The following FRS2 variants were observed in gnomAD, a reference collection of about 807,000 sequenced individuals.
FRS2 encodes the protein fibroblast growth factor receptor substrate 2.
In FRS2, 8 loss-of-function variants were observed where a neutral mutation model predicts 43.9. The observed-to-expected ratio is 0.18, with a 90% CI of 0.11 to 0.33. FRS2 has a LOEUF of 0.33. Among genes scored for constraint, FRS2 ranks in the 10% least tolerant of loss-of-function variants. The probability of loss-of-function intolerance (pLI) is 1.00; values close to 1 mark genes in which losing one functional copy is unlikely to be tolerated. For missense variants in FRS2, 534 were observed against 627.6 expected (o/e 0.85, Z 1.59); for synonymous variants, 219 against 220.3 (o/e 0.99, Z 0.05).
At chr12:69,530,767 G>T (rs1460297690) in intron 1 of FRS2, 98 bp from the exon 2 acceptor site, 2 of 152,448 alleles carry the variant, frequency 1.3e-5, no homozygotes, top group Non-Finnish European at 2.9e-5. Flanking sequence ...TGCTTTGAGA[G>T]TTCTTTCTGG....
At chr12:69,571,554 G>A (rs1593073830) in intron 7 of FRS2, 120 bp downstream of exon 7, 1 of 850,304 alleles carries the variant, frequency 1.2e-6, no homozygotes, top group East Asian at 2.7e-5. Context: ...AAGTATAATG[G>A]TTGTCAGTTT....
intron 3 of FRS2, among the ~76,000 whole-genome samples, chr12:69,547,830 CTTTTTTTTTTTT>C (rs71094722): frequency 0.46 from 48,183 of 104,218 alleles, 8,816 homozygotes; most frequent in South Asian, 0.64. Context: ...TCCATTAATA[CTTTTTTTTTTTT>C]TTTTTTTTTT....
At position 69,528,737 on chromosome 12, in the gene FRS2, T is replaced by C. The variant is rs1565749562; in HGVS notation, c.-260-2128T>C. Among the ~76,000 whole-genome samples the C allele has an allele frequency of 2.6e-5, 4 of 152,212 alleles. 1 individual carries two copies. In the South Asian group the frequency reaches 8.3e-4, roughly 32 times the overall value. Reference sequence around the variant, plus strand: ...TAATTTACTATTCTTTACAAATTCTTTGCCAGATAAGGAAAACTAAGACAG... The same window carrying C: ...TAATTTACTATTCTTTACAAATTCTCTGCCAGATAAGGAAAACTAAGACAG... On this transcript the variant is annotated intron_variant, in intron 1 of 8. Coordinates refer to ENST00000549921, the MANE Select transcript of FRS2 (RefSeq NM_001278356.2).
intron 3 of FRS2, among the ~76,000 whole-genome samples, chr12:69,554,103 T>C (rs1250422878): frequency 2.6e-5 from 4 of 152,224 alleles, no homozygotes; most frequent in Non-Finnish European, 5.9e-5. Context: ...CACTGTGTTC[T>C]TCACAGTCTG....
rs10605112 is a variant in FRS2 at position 69,541,824 on chromosome 12, C to CAAA, written c.-122+9788_-122+9790dup. ...TGGGCGACAGGGTGAGACCCTGTCT[C>CAAA]AAAAAAAAAAAAAAAAAAAAAAGTA... On this transcript the variant is annotated intron_variant, in intron 3 of 8. Transcript: ENST00000549921. Among the ~76,000 whole-genome samples, 277 of 90,834 alleles carry CAAA rather than the reference C, an allele frequency of 3.0e-3. 2 individuals are homozygous for CAAA. Among genetic ancestry groups the CAAA allele is most frequent in the African/African-American group, 0.011 (264 of 23,408 alleles). The allele number at this position is 90,834 out of a possible 152,430, so 59.6% of individuals were successfully genotyped here. A position where few individuals can be genotyped will look rare whatever the true frequency, so the allele number is the denominator to read the frequency against.
intron 1 of FRS2, among the ~76,000 whole-genome samples, chr12:69,489,796 C>T: frequency 6.7e-6 from 1 of 148,704 alleles, no homozygotes; most frequent in Admixed American, 6.8e-5. Context: ...CTTAACTGTA[C>T]CTTTTGTGAA....
intron 3 of FRS2, among the ~76,000 whole-genome samples, chr12:69,538,197 T>TATATATATATATATATATATATATA (rs1555189565): frequency 9.8e-5 from 8 of 81,620 alleles, no homozygotes; most frequent in African/African-American, 2.2e-4. Flanking sequence ...AAAACAAATT[T>TATATATATATATATATATATATATA]TATATATATA....
At chr12:69,536,398 C>T (rs1286522718) in intron 3 of FRS2, among the ~76,000 whole-genome samples, 2 of 151,856 alleles carry the variant, frequency 1.3e-5, no homozygotes, top group Non-Finnish European at 2.9e-5. Flanking sequence ...GCTGGGATTA[C>T]AGGCGTGAGT....
chr12:69,564,536 C>T (rs1880125296), intron 4 of FRS2, among the ~76,000 whole-genome samples: 1 of 152,098 alleles, frequency 6.6e-6, no homozygotes, highest in African/African-American at 2.4e-5. Context: ...GTAATAGACC[C>T]CTGGCACCCT....
chr12:69,564,072 G>A (rs1479222244), intron 4 of FRS2, among the ~76,000 whole-genome samples: 6 of 152,064 alleles, frequency 3.9e-5, no homozygotes, highest in African/African-American at 1.2e-4. Flanking sequence ...TATTCACACC[G>A]TAGCCCTCTC....
At chr12:69,508,512 G>GA (rs1874168285) in intron 1 of FRS2, among the ~76,000 whole-genome samples, 1 of 152,046 alleles carries the variant, frequency 6.6e-6, no homozygotes, top group African/African-American at 2.4e-5. Context: ...ATGATAGTTG[G>GA]AAAAAATGTA....
rs147030893 is a variant in FRS2 at position 69,515,703 on chromosome 12, C to A, written c.-260-15162C>A. Among the ~76,000 whole-genome samples, 234 of 151,850 alleles carry A rather than the reference C, an allele frequency of 1.5e-3. 1 individual carries two copies. The highest frequency in any genetic ancestry group is 5.4e-3 in the African/African-American group (225 of 41,388). ...AAAGCAACATTTTTAATCTTTTGTT[C>A]CCTCTAATGGTGGGTTGAAAAACAA... On this transcript the variant is annotated intron_variant, in intron 1 of 8. Coordinates refer to ENST00000549921, the MANE Select transcript of FRS2 (RefSeq NM_001278356.2).
chr12:69,574,577 T>C lies in FRS2; in HGVS notation c.1149T>C (p.His383=). 1 of 1,614,070 alleles carries C rather than the reference T, an allele frequency of 6.2e-7. No individual in the cohort carries two copies. Among genetic ancestry groups the C allele is most frequent in the Non-Finnish European group, 8.5e-7 (1 of 1,179,942 alleles). Residue 383 remains histidine, a synonymous_variant, in exon 9 of 9, where the codon CAT becomes CAC. Transcript: ENST00000549921. The part of the protein sequence containing the change: ...GPKTPSLNGY[H]NNLDPMHNYV... Reference sequence around the variant, plus strand: ...AGACCCCATCTCTAAATGGCTACCATAATAATCTAGATCCAATGCATAACT... The same window carrying C: ...AGACCCCATCTCTAAATGGCTACCACAATAATCTAGATCCAATGCATAACT...
At chr12:69,526,630 C>A (rs1416264307) in intron 1 of FRS2, among the ~76,000 whole-genome samples, 1 of 151,526 alleles carries the variant, frequency 6.6e-6, no homozygotes, top group Non-Finnish European at 1.5e-5. Context: ...ATTATAAATT[C>A]TAAAAATTAC....
At chr12:69,510,375 C>T (rs550559422) in intron 1 of FRS2, among the ~76,000 whole-genome samples, 37 of 152,226 alleles carry the variant, frequency 2.4e-4, no homozygotes, top group Non-Finnish European at 4.6e-4. Context: ...TGTCTCTGTA[C>T]GCTAGATATC....
At chr12:69,486,565 AAGG>A (rs1167545633) in intron 1 of FRS2, among the ~76,000 whole-genome samples, 1 of 152,192 alleles carries the variant, frequency 6.6e-6, no homozygotes, top group South Asian at 2.1e-4. Flanking sequence ...GTTCAAGTGA[AAGG>A]AGGAGTCACA....
chr12:69,562,541 C>T (rs762210803), intron 4 of FRS2, among the ~76,000 whole-genome samples: 18 of 152,058 alleles, frequency 1.2e-4, no homozygotes, highest in Admixed American at 2.6e-4. Flanking sequence ...GACACCACCC[C>T]CCTGCTCCCA....
chr12:69,536,034 T>C (rs1877241328), intron 3 of FRS2, among the ~76,000 whole-genome samples: 1 of 151,344 alleles, frequency 6.6e-6, no homozygotes, highest in Admixed American at 6.6e-5. Flanking sequence ...TTAATTGTTG[T>C]TATTGCTGTT....
intron 3 of FRS2, among the ~76,000 whole-genome samples, chr12:69,537,355 G>A (rs1281861391): frequency 6.6e-6 from 1 of 151,642 alleles, no homozygotes; most frequent in Non-Finnish European, 1.5e-5. Context: ...TTTTACCTGA[G>A]GTACGTTCTT....
Sources: allele counts gnomAD v4.1 joint callset (sites outside exome capture counted in the v4.1 genomes callset), GRCh38; gene constraint gnomAD v4.1.1; transcripts MANE v1.5; gene names NCBI Gene and HGNC (gene_info 2026-07-23, HGNC 2026-07-21).